Variants in RBMS3 observed in about 807,000 individuals in gnomAD.
The protein encoded by RBMS3 is RNA binding motif single stranded interacting protein 3.
Under a neutral mutation model 66.8 loss-of-function variants are expected in RBMS3, and 27 were observed. The ratio of observed to expected loss-of-function variants is 0.40; its 90% CI spans 0.30 to 0.56. The LOEUF (loss-of-function observed/expected upper bound fraction) is 0.56, where lower values mean the gene tolerates loss of function less well. Among genes scored for constraint, RBMS3 ranks in the 20% least tolerant of loss-of-function variants. The pLI is 0.40. For synonymous variants in RBMS3, 188 were observed against 183.0 expected (o/e 1.03, Z -0.22); for missense variants, 513 against 549.5 (o/e 0.93, Z 0.66).
intron 4 of RBMS3, among the ~76,000 whole-genome samples, chr3:29,617,777 A>C (rs1390469655): frequency 1.3e-5 from 2 of 152,192 alleles, no homozygotes; most frequent in African/African-American, 4.8e-5. Flanking sequence ...CTAAAATTCT[A>C]TGGAAAAAAT....
intron 4 of RBMS3, among the ~76,000 whole-genome samples, chr3:29,691,803 T>C (rs1425875572): frequency 2.0e-5 from 3 of 152,118 alleles, no homozygotes; most frequent in Non-Finnish European, 2.9e-5. Flanking sequence ...TTTCTTCCTC[T>C]AGATGCCATC....
chr3:29,298,705 C>T (rs778668025), intron 1 of RBMS3, among the ~76,000 whole-genome samples: 2 of 151,488 alleles, frequency 1.3e-5, no homozygotes, highest in African/African-American at 4.8e-5. Flanking sequence ...CTTTTATGTA[C>T]GTTTGGTCTC....
At chr3:29,480,729 GA>G (rs1488398474) in intron 2 of RBMS3, among the ~76,000 whole-genome samples, 2 of 152,306 alleles carry the variant, frequency 1.3e-5, no homozygotes, top group Admixed American at 6.5e-5. Flanking sequence ...GGCAGTAAAT[GA>G]AAAGAGAGAC....
intron 4 of RBMS3, among the ~76,000 whole-genome samples, chr3:29,591,315 A>C (rs2047729621): frequency 1.3e-5 from 2 of 152,194 alleles, no homozygotes; most frequent in African/African-American, 4.8e-5. Context: ...CTCATAGCTC[A>C]GCAAGTCATA....
intron 4 of RBMS3, among the ~76,000 whole-genome samples, chr3:29,593,936 G>A (rs2047855285): frequency 6.6e-6 from 1 of 152,194 alleles, no homozygotes; most frequent in Non-Finnish European, 1.5e-5. Context: ...CAAAATAGGA[G>A]ATGGAGATGG....
intron 4 of RBMS3, among the ~76,000 whole-genome samples, chr3:29,628,634 T>TA: frequency 6.6e-6 from 1 of 152,174 alleles, no homozygotes; most frequent in Non-Finnish European, 1.5e-5. Flanking sequence ...TGTACATTAT[T>TA]CATGTTCATC....
intron 6 of RBMS3, among the ~76,000 whole-genome samples, chr3:29,827,500 A>G (rs1420054543): frequency 1.3e-5 from 2 of 152,022 alleles, no homozygotes; most frequent in Non-Finnish European, 2.9e-5. Flanking sequence ...TTTTCATTTT[A>G]TCTAATCTTT....
At chr3:29,554,493 G>A (rs768869942) in intron 3 of RBMS3, among the ~76,000 whole-genome samples, 3 of 152,170 alleles carry the variant, frequency 2.0e-5, no homozygotes, top group Non-Finnish European at 4.4e-5. Context: ...GAATGAAAAT[G>A]AGAGACTTAT....
At chr3:29,586,103 T>A (rs1296939760) in intron 3 of RBMS3, among the ~76,000 whole-genome samples, 1 of 152,098 alleles carries the variant, frequency 6.6e-6, no homozygotes, top group Non-Finnish European at 1.5e-5. Flanking sequence ...GAGATAAGTA[T>A]AAGAATACAG....
chr3:29,532,952 G>A (rs565512085), intron 3 of RBMS3, among the ~76,000 whole-genome samples: 1 of 152,052 alleles, frequency 6.6e-6, no homozygotes, highest in African/African-American at 2.4e-5. Flanking sequence ...GTATTACTTC[G>A]ATTTTTGAAT....
At chr3:29,329,702 T>C (rs1452529333) in intron 1 of RBMS3, among the ~76,000 whole-genome samples, 2 of 151,744 alleles carry the variant, frequency 1.3e-5, no homozygotes, top group African/African-American at 2.4e-5. Context: ...GCTTAATGCA[T>C]ATTTAAGCAC....
At chr3:29,715,989 A>T (rs2053376046) in intron 4 of RBMS3, among the ~76,000 whole-genome samples, 1 of 152,248 alleles carries the variant, frequency 6.6e-6, no homozygotes, top group South Asian at 2.1e-4. Context: ...GATGTCTTAA[A>T]ATATGACCTT....
intron 5 of RBMS3, among the ~76,000 whole-genome samples, chr3:29,758,727 A>G (rs1024458079): frequency 1.3e-5 from 2 of 152,206 alleles, no homozygotes; most frequent in Non-Finnish European, 2.9e-5. Context: ...TCCTTCCGTT[A>G]CAATGGATTA....
chr3:29,643,616 C>T (rs1299318496), intron 4 of RBMS3, among the ~76,000 whole-genome samples: 1 of 151,864 alleles, frequency 6.6e-6, no homozygotes, highest in African/African-American at 2.4e-5. Context: ...ACACAGTCTG[C>T]AGGGAAAAAA....
At chr3:29,362,775 T>C (rs958783704) in intron 1 of RBMS3, among the ~76,000 whole-genome samples, 7 of 152,210 alleles carry the variant, frequency 4.6e-5, no homozygotes, top group Non-Finnish European at 7.3e-5. Flanking sequence ...TTTTAAGGTA[T>C]TTTTAGGAGT....
At chr3:29,675,738 A>T (rs2051219864) in intron 4 of RBMS3, among the ~76,000 whole-genome samples, 2 of 152,260 alleles carry the variant, frequency 1.3e-5, no homozygotes, top group African/African-American at 4.8e-5. Context: ...ATTCCATCTC[A>T]TACCAGTTAG....
intron 6 of RBMS3, among the ~76,000 whole-genome samples, chr3:29,848,775 T>G (rs1187692830): frequency 6.6e-6 from 1 of 152,222 alleles, no homozygotes; most frequent in East Asian, 1.9e-4. Context: ...TGAGCAGGTT[T>G]TTTGTTTGTT....
At chr3:29,789,072 C>A (rs1270012847) in intron 6 of RBMS3, among the ~76,000 whole-genome samples, 1 of 152,204 alleles carries the variant, frequency 6.6e-6, no homozygotes, top group African/African-American at 2.4e-5. Context: ...ATTTTTTCAA[C>A]TGAATTGGGC....
intron 2 of RBMS3, among the ~76,000 whole-genome samples, chr3:29,470,620 T>C (rs1168638296): frequency 1.3e-5 from 2 of 152,138 alleles, no homozygotes; most frequent in South Asian, 2.1e-4. Flanking sequence ...AAGATACTTA[T>C]GGCAATACTA....
Sources: gnomAD v4.1 joint callset for allele counts (sites outside exome capture counted in the v4.1 genomes callset) on GRCh38, gnomAD v4.1.1 for gene constraint, MANE v1.5 for transcripts, NCBI Gene and HGNC (gene_info 2026-07-23, HGNC 2026-07-21) for gene names.